The following UBE2E2 variants were observed in gnomAD, a reference collection of about 807,000 sequenced individuals.
UBE2E2 encodes the protein ubiquitin conjugating enzyme E2 E2.
UBE2E2 carries 6 observed loss-of-function variants against 24.7 expected under a neutral mutation model. The ratio of observed to expected loss-of-function variants is 0.24; its 90% CI spans 0.13 to 0.48. The LOEUF (loss-of-function observed/expected upper bound fraction) is 0.48, where lower values mean the gene tolerates loss of function less well. Among genes scored for constraint, UBE2E2 ranks in the 20% least tolerant of loss-of-function variants. The pLI, the probability that UBE2E2 is intolerant of heterozygous loss-of-function variation, is 0.99. For missense variants in UBE2E2, 169 were observed against 245.0 expected, an observed-to-expected ratio of 0.69 and a Z score of 2.07; for synonymous variants, 104 against 83.6, an observed-to-expected ratio of 1.24 and a Z score of -1.33.
chr3:23,565,488 C>T (rs964215450), intron 5 of UBE2E2, among the ~76,000 whole-genome samples: 3 of 111,810 alleles, frequency 2.7e-5, no homozygotes, highest in Admixed American at 1.3e-4. Flanking sequence ...AAGAGGTTTG[C>T]AGCTGGACTG....
chr3:23,230,622 T>G (rs1250365385), intron 3 of UBE2E2, among the ~76,000 whole-genome samples: 1 of 151,878 alleles, frequency 6.6e-6, no homozygotes, highest in East Asian at 1.9e-4. Flanking sequence ...CCGTCTCTAC[T>G]AAAAATACAA....
intron 3 of UBE2E2, among the ~76,000 whole-genome samples, chr3:23,298,966 G>A (rs890411537): frequency 6.6e-6 from 1 of 152,130 alleles, no homozygotes; most frequent in Admixed American, 6.6e-5. Context: ...CAATCTCAGA[G>A]CCTGTTATTG....
At chr3:23,244,156 A>C (rs1448915746) in intron 3 of UBE2E2, among the ~76,000 whole-genome samples, 1 of 151,472 alleles carries the variant, frequency 6.6e-6, no homozygotes, top group South Asian at 2.1e-4. Context: ...AGAATCAACT[A>C]TTAAATGAGG....
intron 3 of UBE2E2, among the ~76,000 whole-genome samples, chr3:23,308,824 C>A (rs964097569): frequency 6.6e-6 from 1 of 152,124 alleles, no homozygotes; most frequent in Admixed American, 6.6e-5. Context: ...CTCTCTAAGT[C>A]CGGAAGCCTC....
chr3:23,589,813 C>G lies in UBE2E2; in HGVS notation c.588C>G (p.Thr196=). Residue 196 remains threonine, a synonymous_variant, in exon 6 of 6, where the codon ACC becomes ACG. Coordinates refer to ENST00000396703, the MANE Select transcript of UBE2E2 (RefSeq NM_152653.4). The surrounding 1 kb of genome is among the most constrained non-coding windows in gnomAD (Gnocchi z 4.1). The part of the protein sequence containing the change: ...AEHDRMARQW[T]KRYAT ...ATGACCGGATGGCCAGACAGTGGAC[C>G]AAGCGGTACGCCACATAGGGGCCTG... is the stretch of plus-strand genomic sequence containing the variant. The G allele has an allele frequency of 6.2e-7, 1 of 1,614,196 alleles. No homozygotes were observed. Among genetic ancestry groups the G allele is most frequent in the Non-Finnish European group, 8.5e-7 (1 of 1,180,014 alleles).
At chr3:23,325,484 G>C (rs1415759346) in intron 3 of UBE2E2, among the ~76,000 whole-genome samples, 1 of 152,106 alleles carries the variant, frequency 6.6e-6, no homozygotes, top group Non-Finnish European at 1.5e-5. Context: ...AACACTTGTA[G>C]GTCCTTTAGT....
chr3:23,228,975 C>T (rs1315989190), intron 3 of UBE2E2, among the ~76,000 whole-genome samples: 1 of 139,250 alleles, frequency 7.2e-6, no homozygotes, highest in Non-Finnish European at 1.6e-5. Context: ...GCCTGAGTAT[C>T]GACCATTTTT....
chr3:23,387,230 G>A (rs1191942636), intron 3 of UBE2E2, among the ~76,000 whole-genome samples: 1 of 152,010 alleles, frequency 6.6e-6, no homozygotes, highest in Non-Finnish European at 1.5e-5. Flanking sequence ...GTGGTTACAG[G>A]GCAGACGTTG....
intron 5 of UBE2E2, among the ~76,000 whole-genome samples, chr3:23,566,116 A>G (rs1407527177): frequency 1.3e-5 from 2 of 152,216 alleles, no homozygotes; most frequent in Admixed American, 1.3e-4. Context: ...CCTCTGTCAA[A>G]TTAACATGTT....
At chr3:23,538,798 A>T (rs1206697589) in intron 5 of UBE2E2, among the ~76,000 whole-genome samples, 2 of 152,158 alleles carry the variant, frequency 1.3e-5, no homozygotes, top group Non-Finnish European at 2.9e-5. Flanking sequence ...CAATTCTGAG[A>T]TGCTTACCTT....
intron 3 of UBE2E2, among the ~76,000 whole-genome samples, chr3:23,306,743 C>T (rs767111026): frequency 1.0e-3 from 158 of 152,138 alleles, no homozygotes; most frequent in Non-Finnish European, 2.0e-3. Context: ...TTGATACCTA[C>T]GGAGCAAGAA....
intron 1 of UBE2E2, among the ~76,000 whole-genome samples, 153 bp downstream of exon 1, chr3:23,203,617 G>C (rs1032425581): frequency 2.4e-4 from 36 of 148,298 alleles, no homozygotes; most frequent in African/African-American, 8.8e-4. Context: ...CCCGTGCCCG[G>C]TTCCCTACGC....
intron 4 of UBE2E2, among the ~76,000 whole-genome samples, chr3:23,516,670 A>G (rs1425386625): frequency 6.6e-6 from 1 of 152,164 alleles, no homozygotes; most frequent in East Asian, 1.9e-4. Context: ...TGTATCCTCT[A>G]TTCTTAACCT....
intron 3 of UBE2E2, among the ~76,000 whole-genome samples, chr3:23,242,187 C>G (rs1198784975): frequency 6.6e-6 from 1 of 152,112 alleles, no homozygotes; most frequent in African/African-American, 2.4e-5. Context: ...CTGCTTTGAC[C>G]TCCCAAAGCA....
chr3:23,543,783 A>G (rs1158958405), intron 5 of UBE2E2, among the ~76,000 whole-genome samples: 1 of 152,192 alleles, frequency 6.6e-6, no homozygotes, highest in Non-Finnish European at 1.5e-5. Flanking sequence ...CAAAAAGAAC[A>G]AAGCTAGAGG....
chr3:23,275,372 G>A (rs1698353693), intron 3 of UBE2E2, among the ~76,000 whole-genome samples: 3 of 152,250 alleles, frequency 2.0e-5, no homozygotes, highest in Admixed American at 1.3e-4. Context: ...GACATGTCCC[G>A]GAAGCTGAAA....
At chr3:23,503,052 G>A (rs1251000435) in intron 4 of UBE2E2, among the ~76,000 whole-genome samples, 1 of 151,964 alleles carries the variant, frequency 6.6e-6, no homozygotes, top group African/African-American at 2.4e-5. Flanking sequence ...GCTAGTGTGT[G>A]TAAAAGCTTT....
intron 5 of UBE2E2, chr3:23,534,089 C>T (rs199795047): frequency 1.5e-6 from 1 of 662,712 alleles, no homozygotes; most frequent in South Asian, 6.8e-5. Context: ...CTGTGTATAA[C>T]CTTGTATAAC....
Position 23,445,926 on chromosome 3 carries a change from C to T in UBE2E2, c.228-53682C>T, listed in dbSNP as rs545468536. 2.6e-5 allele frequency among the ~76,000 whole-genome samples: 4 copies of T among 152,262 alleles called. No homozygotes were observed. The South Asian group carries it at 8.3e-4, about 32-fold the overall frequency. ...ACCCCAAGGATCAGCATTGTGACTT[C>T]TCTTTTGGTGCTTGCCAGAGACTCC... On this transcript the variant is annotated intron_variant, in intron 3 of 5. Coordinates refer to ENST00000396703, the MANE Select transcript of UBE2E2 (RefSeq NM_152653.4).
Sources: gnomAD v4.1 joint callset for allele counts (sites outside exome capture counted in the v4.1 genomes callset) on GRCh38, gnomAD v4.1.1 for gene constraint, Gnocchi (gnomAD v3.1) non-coding constraint, MANE v1.5 for transcripts, NCBI Gene and HGNC (gene_info 2026-07-23, HGNC 2026-07-21) for gene names.